The following LIN28B variants were observed in gnomAD, a reference collection of about 807,000 sequenced individuals.
LIN28B encodes the protein lin-28 RNA binding posttranscriptional regulator B, also known as protein lin-28 homolog B.
LIN28B carries 5 observed loss-of-function variants against 21.9 expected under a neutral mutation model. The observed-to-expected ratio is 0.23, with a 90% CI of 0.12 to 0.48. LIN28B has a LOEUF of 0.48. Ranked by LOEUF, LIN28B falls within the 20% of genes least tolerant of loss-of-function variation. The pLI is 0.98. For synonymous variants in LIN28B, 109 were observed against 111.3 expected, an observed-to-expected ratio of 0.98 and a Z score of 0.13; for missense variants, 245 against 310.5, an observed-to-expected ratio of 0.79 and a Z score of 1.58.
At chr6:105,053,348 G>A (rs1771947783) in intron 3 of LIN28B, among the ~76,000 whole-genome samples, 1 of 151,630 alleles carries the variant, frequency 6.6e-6, no homozygotes, top group Non-Finnish European at 1.5e-5. Flanking sequence ...TTAGATAATG[G>A]TGGTCGATAG....
chr6:104,990,562 ATTTTTTATTTTTTT>A (rs1366878144), intron 2 of LIN28B, among the ~76,000 whole-genome samples: 1 of 107,870 alleles, frequency 9.3e-6, no homozygotes, highest in Non-Finnish European at 2.0e-5. Context: ...CTTGTTTTTT[ATTTTTTATTTTTTT>A]TTTTTTATTG....
At chr6:105,040,857 T>C (rs1349769092) in intron 3 of LIN28B, among the ~76,000 whole-genome samples, 1 of 60,278 alleles carries the variant, frequency 1.7e-5, no homozygotes, top group East Asian at 2.8e-3. Context: ...GAAGATTTTC[T>C]TATATCTTTA....
At chr6:105,003,506 CTGATTTTTTTTTCTTTTTTTT>C (rs913483583) in intron 2 of LIN28B, among the ~76,000 whole-genome samples, 6 of 151,918 alleles carry the variant, frequency 3.9e-5, no homozygotes, top group African/African-American at 1.4e-4. Flanking sequence ...CTGTGCCTTA[CTGATTTTTTTTTCTTTTTTTT>C]TGAGAGACGG....
chr6:105,075,119 A>G (rs1013771409), intron 3 of LIN28B, among the ~76,000 whole-genome samples: 2 of 152,240 alleles, frequency 1.3e-5, no homozygotes, highest in African/African-American at 4.8e-5. Flanking sequence ...CTATGGGAAT[A>G]TATAATAAAG....
At chr6:104,937,198 G>A (rs1490438200) in intron 2 of LIN28B, 2 of 152,094 alleles carry the variant, frequency 1.3e-5, no homozygotes, top group African/African-American at 4.8e-5. Context: ...GGAGTTCAGT[G>A]GTGCGATCTT....
intron 3 of LIN28B, among the ~76,000 whole-genome samples, chr6:105,050,322 G>C (rs189796789): frequency 6.6e-6 from 1 of 152,256 alleles, no homozygotes; most frequent in Non-Finnish European, 1.5e-5. Context: ...GAATGTTGAG[G>C]CTGGGCGCGG....
At chr6:105,032,370 C>A (rs1423112696) in intron 3 of LIN28B, among the ~76,000 whole-genome samples, 6 of 152,156 alleles carry the variant, frequency 3.9e-5, no homozygotes, top group Non-Finnish European at 7.4e-5. Flanking sequence ...TGCATTCCCA[C>A]CACTGGTATG....
At chr6:104,975,524 C>T (rs1247694492) in intron 2 of LIN28B, among the ~76,000 whole-genome samples, 1 of 152,150 alleles carries the variant, frequency 6.6e-6, no homozygotes, top group Non-Finnish European at 1.5e-5. Flanking sequence ...TTCTGTTCTG[C>T]CACCTGAGAG....
chr6:105,065,074 T>G (rs1416531726), intron 3 of LIN28B, among the ~76,000 whole-genome samples: 3 of 152,202 alleles, frequency 2.0e-5, no homozygotes, highest in Non-Finnish European at 4.4e-5. Flanking sequence ...CTTCCCATAC[T>G]TACCTTCAGA....
chr6:104,948,196 C>T (rs779223975), intron 2 of LIN28B, among the ~76,000 whole-genome samples: 7 of 152,092 alleles, frequency 4.6e-5, no homozygotes, highest in Non-Finnish European at 1.0e-4. Flanking sequence ...AGGCCTGGCA[C>T]GGTGGCTCAT....
At chr6:105,053,721 GT>G in intron 3 of LIN28B, among the ~76,000 whole-genome samples, 1 of 151,406 alleles carries the variant, frequency 6.6e-6, no homozygotes, top group Non-Finnish European at 1.5e-5. Flanking sequence ...GTGCGTGTGT[GT>G]GTGTGTGTGT....
intron 3 of LIN28B, among the ~76,000 whole-genome samples, chr6:105,063,651 A>AAAG (rs1554191042): frequency 2.3e-4 from 34 of 148,228 alleles, no homozygotes; most frequent in Non-Finnish European, 4.8e-4. Context: ...GGGGGGGGAA[A>AAAG]AAAAGGTAAA....
intron 3 of LIN28B, among the ~76,000 whole-genome samples, chr6:105,027,827 GT>G (rs898372177): frequency 1.3e-5 from 2 of 151,926 alleles, no homozygotes; most frequent in Admixed American, 6.6e-5. Flanking sequence ...AAAGGTCTAG[GT>G]TTTCTTTTCT....
In LIN28B at chr6:105,080,338, G is replaced by A. The variant is rs972342196; in HGVS notation, c.*1555G>A. 2 of 152,560 alleles carry A rather than the reference G, an allele frequency of 1.3e-5. No individual in the cohort carries two copies. The highest frequency in any genetic ancestry group is 4.8e-5 in the African/African-American group (2 of 41,398). The allele number at this position is 152,560 out of a possible 1,614,324, so 9.5% of individuals were successfully genotyped here. A position where few individuals can be genotyped will look rare whatever the true frequency, so the allele number is the denominator to read the frequency against. On this transcript the variant is annotated 3_prime_UTR_variant, in exon 4 of 4. Coordinates refer to ENST00000345080, the MANE Select transcript of LIN28B (RefSeq NM_001004317.4). ...TTAAGCATTATAATTATAATGTATG[G>A]GCCTGTTGGTGTAAGCTCAGATAAT...
chr6:105,031,027 C>T (rs1477131705), intron 3 of LIN28B, among the ~76,000 whole-genome samples: 1 of 151,828 alleles, frequency 6.6e-6, no homozygotes, highest in Non-Finnish European at 1.5e-5. Context: ...TAAGTATGGC[C>T]GCCAAACATG....
At chr6:105,017,210 C>T (rs145030503) in intron 2 of LIN28B, among the ~76,000 whole-genome samples, 1 of 151,744 alleles carries the variant, frequency 6.6e-6, no homozygotes, top group Non-Finnish European at 1.5e-5. Flanking sequence ...ATCATAAAGG[C>T]TTTGAAGATG....
At chr6:105,032,243 G>C (rs1771440759) in intron 3 of LIN28B, among the ~76,000 whole-genome samples, 1 of 152,092 alleles carries the variant, frequency 6.6e-6, no homozygotes, top group Non-Finnish European at 1.5e-5. Flanking sequence ...TTATGCACAA[G>C]TGTGTGAAGA....
intron 2 of LIN28B, among the ~76,000 whole-genome samples, chr6:104,983,614 T>C (rs971301971): frequency 1.3e-5 from 2 of 152,208 alleles, no homozygotes; most frequent in Non-Finnish European, 2.9e-5. Flanking sequence ...TTCGCTCTTA[T>C]TGCCTAGGCT....
intron 2 of LIN28B, among the ~76,000 whole-genome samples, chr6:104,945,566 A>G (rs1415943760): frequency 6.6e-6 from 1 of 152,130 alleles, no homozygotes; most frequent in African/African-American, 2.4e-5. Flanking sequence ...GTGGGCCTTC[A>G]AAGTATATGT....
Sources: gnomAD v4.1 joint callset for allele counts (sites outside exome capture counted in the v4.1 genomes callset) on GRCh38, gnomAD v4.1.1 for gene constraint, MANE v1.5 for transcripts, NCBI Gene and HGNC (gene_info 2026-07-23, HGNC 2026-07-21) for gene names.